The following USP32 variants were observed in gnomAD, a reference collection of about 807,000 sequenced individuals.
USP32 encodes ubiquitin carboxyl-terminal hydrolase 32.
In USP32, 59 loss-of-function variants were observed where a neutral mutation model predicts 204.8. The ratio of observed to expected loss-of-function variants is 0.29; its 90% CI spans 0.23 to 0.36. USP32 has a LOEUF of 0.36. Among genes scored for constraint, USP32 ranks in the 10% least tolerant of loss-of-function variants. USP32 has a pLI of 1.00. For missense variants in USP32, 1,160 were observed against 1,946.4 expected, an observed-to-expected ratio of 0.60 and a Z score of 7.60; for synonymous variants, 517 against 678.4, an observed-to-expected ratio of 0.76 and a Z score of 3.70.
intron 7 of USP32, among the ~76,000 whole-genome samples, chr17:60,268,315 C>T (rs905999557): frequency 2.6e-5 from 4 of 151,602 alleles, no homozygotes; most frequent in African/African-American, 9.7e-5. Context: ...ATGTCTATAA[C>T]CCCAACACTT....
chr17:60,183,123 G>T, intron 31 of USP32, 42 bp downstream of exon 31: 2 of 1,550,898 alleles, frequency 1.3e-6, no homozygotes, highest in East Asian at 2.3e-5. Flanking sequence ...GTAGCCTACA[G>T]GAGTCCCAAG....
At position 60,391,992 on chromosome 17, in the gene USP32, C is replaced by G; in HGVS notation, c.-53G>C. The G allele has an allele frequency of 6.4e-7, 1 of 1,570,230 alleles. No homozygotes were observed. The highest frequency in any genetic ancestry group is 8.6e-7 in the Non-Finnish European group (1 of 1,156,388). On this transcript the variant is annotated 5_prime_UTR_variant, in exon 1 of 34. Transcript: ENST00000300896. ...CGGAGCCTGATCTCGCCCCCACCCC[C>G]CTCCCGCCTTCTCCTCGGCGTCCCT...
At chr17:60,260,701 A>C (rs1218853227) in intron 9 of USP32, among the ~76,000 whole-genome samples, 1 of 145,244 alleles carries the variant, frequency 6.9e-6, no homozygotes, top group Non-Finnish European at 1.5e-5. Flanking sequence ...CATATGCTAG[A>C]TAGAAAATTA....
In USP32 at chr17:60,211,358, T is replaced by G; in HGVS notation, c.2318+18A>C. The stretch of plus-strand genomic sequence containing the variant: ...TCAAAGTCACAGGTTAAGAGGCCAG[T>G]GACTCCAGAAAGATTACCTGTTGAG... On this transcript the variant is annotated intron_variant, in intron 20 of 33. Coordinates refer to ENST00000300896, the MANE Select transcript of USP32 (RefSeq NM_032582.4). The G allele has an allele frequency of 1.2e-6, 2 of 1,607,250 alleles. No homozygotes were observed. The highest frequency in any genetic ancestry group is 1.7e-6 in the Non-Finnish European group (2 of 1,177,082).
Position 60,203,532 on chromosome 17 carries a change from A to G in USP32, c.3249+1915T>C, listed in dbSNP as rs377265520. ...AATTTCGTTTTCTCTTGTTGCTGCT[A>G]TACAATCAATTTACTTGATCTAGAA... On this transcript the variant is annotated intron_variant, in intron 26 of 33. Transcript: ENST00000300896. 2.6e-5 allele frequency among the ~76,000 whole-genome samples: 4 copies of G among 151,922 alleles called. No homozygotes were observed. The South Asian group carries it at 8.3e-4, about 31-fold the overall frequency.
intron 4 of USP32, among the ~76,000 whole-genome samples, chr17:60,291,458 A>G (rs955103470): frequency 2.6e-5 from 4 of 152,204 alleles, no homozygotes; most frequent in Admixed American, 6.5e-5. Context: ...CAAGATAGAA[A>G]AAGCTGAGAC....
At position 60,208,844 on chromosome 17, in the gene USP32, A is replaced by T. The variant is rs527264229; in HGVS notation, c.2599-16T>A. ...TGTCCCAGGCCTAGCAATAAAAAAG[A>T]TGAGAATTTTCTCTCAAAATCCAAA... On this transcript the variant is annotated splice_polypyrimidine_tract_variant and intron_variant, in intron 22 of 33. Transcript: ENST00000300896. The T allele has an allele frequency of 1.3e-6, 2 of 1,543,502 alleles. No homozygotes were observed. The highest frequency in any genetic ancestry group is 4.7e-5 in the East Asian group (2 of 42,920).
chr17:60,347,972 A>C (rs2088830499), intron 1 of USP32, among the ~76,000 whole-genome samples: 1 of 151,968 alleles, frequency 6.6e-6, no homozygotes, highest in Non-Finnish European at 1.5e-5. Flanking sequence ...AATACAAAAA[A>C]TTAGCCAGGC....
chr17:60,204,854 G>C (rs561101311), intron 26 of USP32, among the ~76,000 whole-genome samples: 2 of 151,764 alleles, frequency 1.3e-5, no homozygotes, highest in Admixed American at 6.6e-5. Flanking sequence ...GCTCACTGCA[G>C]CTTTGACCTC....
At chr17:60,312,954 A>G (rs189450828) in intron 2 of USP32, among the ~76,000 whole-genome samples, 7 of 152,290 alleles carry the variant, frequency 4.6e-5, no homozygotes, top group Admixed American at 2.6e-4. Context: ...ATTTAATGCA[A>G]GCTCTGTGGC....
At position 60,224,107 on chromosome 17, in the gene USP32, G is replaced by A. The variant is rs547571615; in HGVS notation, c.1433-521C>T. Among the ~76,000 whole-genome samples the A allele has an allele frequency of 4.3e-4, 65 of 152,258 alleles. No individual in the cohort carries two copies. In the South Asian group the frequency reaches 0.012, roughly 27 times the overall value. On this transcript the variant is annotated intron_variant, in intron 13 of 33. Transcript: ENST00000300896. ...AAGAAATACATGATCTTTACAATAC[G>A]AAAATATGCACAGAAGATGATTAAC...
chr17:60,413,204 C>A (rs1335942038), intron 1 of USP32, among the ~76,000 whole-genome samples: 1 of 152,168 alleles, frequency 6.6e-6, no homozygotes, highest in African/African-American at 2.4e-5. Context: ...GAGATGTGTT[C>A]TGTATCCTGC....
intron 1 of USP32, among the ~76,000 whole-genome samples, chr17:60,351,547 C>T (rs373773963): frequency 5.3e-5 from 8 of 152,078 alleles, no homozygotes; most frequent in South Asian, 2.1e-4. Flanking sequence ...TCCTGCCCAG[C>T]CTCCCAAGTA....
Position 60,323,273 on chromosome 17 carries a change from T to TTA in USP32, c.187-21571_187-21570dup, listed in dbSNP as rs10616893. Among the ~76,000 whole-genome samples the TTA allele has an allele frequency of 3.7e-3, 568 of 152,010 alleles. 2 individuals are homozygous for TTA. The highest frequency in any genetic ancestry group is 0.013 in the African/African-American group (518 of 41,408). Reference sequence around the variant, plus strand: ...ATTAACTGATGAAATAAACAAAATGTTATATATATATGCATACAATGAAAT... The same window carrying TTA: ...ATTAACTGATGAAATAAACAAAATGTTATATATATATATGCATACAATGAAAT... On this transcript the variant is annotated intron_variant, in intron 2 of 33. Transcript: ENST00000300896.
At chr17:60,251,374 A>G (rs1258402024) in intron 11 of USP32, among the ~76,000 whole-genome samples, 2 of 152,214 alleles carry the variant, frequency 1.3e-5, no homozygotes, top group Non-Finnish European at 2.9e-5. Context: ...CTTAATTGGC[A>G]TGTCCTGTTT....
chr17:60,332,585 C>A (rs1424117151), intron 2 of USP32, among the ~76,000 whole-genome samples: 1 of 151,938 alleles, frequency 6.6e-6, no homozygotes, highest in Non-Finnish European at 1.5e-5. Flanking sequence ...GAGGCGGAGA[C>A]TGCAGTGAGC....
chr17:60,263,778 C>G (rs896610180), intron 9 of USP32, among the ~76,000 whole-genome samples: 8 of 152,172 alleles, frequency 5.3e-5, no homozygotes, highest in Non-Finnish European at 8.8e-5. Flanking sequence ...TGTCAAAGCT[C>G]TAGCCTGAAA....
intron 2 of USP32, among the ~76,000 whole-genome samples, chr17:60,317,300 G>C (rs1212834132): frequency 6.6e-6 from 1 of 151,762 alleles, no homozygotes; most frequent in Non-Finnish European, 1.5e-5. Context: ...GATCACTTGA[G>C]CCCAGGAGTT....
intron 13 of USP32, among the ~76,000 whole-genome samples, chr17:60,224,054 T>C (rs1408094766): frequency 1.3e-5 from 2 of 152,278 alleles, no homozygotes; most frequent in Non-Finnish European, 2.9e-5. Context: ...ATTGTATCTA[T>C]GAACTCAATG....
Sources: gnomAD v4.1 joint callset for allele counts (sites outside exome capture counted in the v4.1 genomes callset) on GRCh38, gnomAD v4.1.1 for gene constraint, MANE v1.5 for transcripts, NCBI Gene and HGNC (gene_info 2026-07-23, HGNC 2026-07-21) for gene names.